The following WDR7 variants were observed in gnomAD, a reference collection of about 807,000 sequenced individuals.
WDR7 encodes WD repeat domain 7.
WDR7 carries 46 observed loss-of-function variants against 169.4 expected under a neutral mutation model. The ratio of observed to expected loss-of-function variants is 0.27; its 90% CI spans 0.21 to 0.35. The LOEUF is 0.35. Among genes scored for constraint, WDR7 ranks in the 10% least tolerant of loss-of-function variants. The pLI is 1.00. For synonymous variants in WDR7, 612 were observed against 666.8 expected (o/e 0.92, Z 1.27); for missense variants, 1,534 against 1,859.3 (o/e 0.83, Z 3.22).
At chr18:56,981,835 A>T (rs781215188) in intron 26 of WDR7, among the ~76,000 whole-genome samples, 3 of 152,130 alleles carry the variant, frequency 2.0e-5, no homozygotes, top group Non-Finnish European at 4.4e-5. Context: ...GAAAAGTAAG[A>T]GAAGAGATAG....
intron 26 of WDR7, among the ~76,000 whole-genome samples, chr18:56,964,704 T>G (rs1389267769): frequency 6.6e-6 from 1 of 152,096 alleles, no homozygotes; most frequent in Non-Finnish European, 1.5e-5. Flanking sequence ...GACATTTTAG[T>G]GTCCCCATAA....
chr18:56,756,947 C>T lies in WDR7; in HGVS notation c.2354C>T (p.Ser785Leu), dbSNP rs1324554205. 1 of 1,614,006 alleles carries T rather than the reference C, an allele frequency of 6.2e-7. No homozygotes were observed. The highest frequency in any genetic ancestry group is 8.5e-7 in the Non-Finnish European group (1 of 1,180,016). The change falls in exon 15 of 28, where the codon TCA becomes TTA. Residue 785 changes from serine (S) to leucine (L), a missense_variant. By Grantham distance (145) the Ser-to-Leu change is moderately radical (BLOSUM62 -2). Coordinates refer to ENST00000254442, the MANE Select transcript of WDR7 (RefSeq NM_015285.3). ...ESDPEYRSSK[S>L]KPLTLLEYNL... ...GATCCTGAATATCGGTCCAGCAAAT[C>T]AAAGCCATTGACCCTATTAGAATAT... is the stretch of plus-strand genomic sequence containing the variant.
At chr18:56,891,410 A>C (rs2046261979) in intron 21 of WDR7, among the ~76,000 whole-genome samples, 1 of 152,096 alleles carries the variant, frequency 6.6e-6, no homozygotes, top group Admixed American at 6.6e-5. Flanking sequence ...CCTACCTCAC[A>C]GTTATTGTAA....
intron 25 of WDR7, among the ~76,000 whole-genome samples, chr18:56,940,350 C>T (rs1006868688): frequency 1.3e-5 from 2 of 152,134 alleles, no homozygotes; most frequent in Non-Finnish European, 2.9e-5. Context: ...TATGAGCCTT[C>T]GCATATCTTT....
At chr18:56,792,145 G>A (rs1418499900) in intron 19 of WDR7, among the ~76,000 whole-genome samples, 1 of 152,044 alleles carries the variant, frequency 6.6e-6, no homozygotes, top group Non-Finnish European at 1.5e-5. Context: ...AGCCTTCCAC[G>A]TAGCTGGGAC....
chr18:56,779,432 T>C lies in WDR7; in HGVS notation c.2949T>C (p.Gly983=). The stretch of plus-strand genomic sequence containing the variant: ...TGTAATATATTACATTTTTGACAGG[T>C]TGGAGTCAGTTAGCTGCTATGCACT... ...ALHTCFLVNE[G]WSQLAAMHCV... Residue 983 remains glycine, a splice_region_variant and synonymous_variant, in exon 18 of 28, where the codon GGT becomes GGC. Transcript: ENST00000254442. 1.0e-5 allele frequency: 16 copies of C among 1,601,958 alleles called. No individual in the cohort carries two copies. Among genetic ancestry groups the C allele is most frequent in the Non-Finnish European group, 1.4e-5 (16 of 1,174,402 alleles).
chr18:56,699,845 G>C (rs959621910), intron 12 of WDR7: 1 of 985,312 alleles, frequency 1.0e-6, no homozygotes, highest in Admixed American at 6.2e-5. Context: ...AGATGCTGCA[G>C]CTGGAAGTTG....
chr18:56,906,273 A>C (rs1057232749), intron 21 of WDR7, among the ~76,000 whole-genome samples: 1 of 152,216 alleles, frequency 6.6e-6, no homozygotes, highest in Non-Finnish European at 1.5e-5. Context: ...CTATGGGATA[A>C]AAGAACTGAT....
chr18:56,955,990 G>C (rs1232673901), intron 25 of WDR7, among the ~76,000 whole-genome samples: 5 of 152,140 alleles, frequency 3.3e-5, no homozygotes, highest in African/African-American at 1.2e-4. Context: ...GATAGCCCAG[G>C]AAACATTTTT....
intron 24 of WDR7, 80 bp downstream of exon 24, chr18:56,938,762 A>T (rs2046993604): frequency 1.3e-6 from 2 of 1,529,346 alleles, no homozygotes; most frequent in African/African-American, 2.8e-5. Flanking sequence ...CAGTATCTTT[A>T]TTTCCAGCAT....
In WDR7 at chr18:57,027,141, C is replaced by T; in HGVS notation, c.4407C>T (p.Ile1469=). ...ATGCCCTCAAGCTGGCCCGGCTCAT[C>T]TGGACTTCCAACCGCAACGTCATCC... ...SHNALKLARL[I]WTSNRNVILM... The change falls in exon 28 of 28, where the codon ATC becomes ATT. Residue 1469 remains isoleucine, a synonymous_variant. Transcript: ENST00000254442. 6.2e-7 allele frequency: 1 copy of T among 1,614,192 alleles called. No homozygotes were observed. Among genetic ancestry groups the T allele is most frequent in the Non-Finnish European group, 8.5e-7 (1 of 1,180,038 alleles).
chr18:56,993,683 C>T (rs1474015383), intron 26 of WDR7, among the ~76,000 whole-genome samples: 1 of 138,794 alleles, frequency 7.2e-6, no homozygotes, highest in Non-Finnish European at 1.7e-5. Context: ...TCAAAAGGAG[C>T]TTTTGTCTAG....
At chr18:56,881,049 A>G (rs2046100592) in intron 21 of WDR7, among the ~76,000 whole-genome samples, 1 of 152,204 alleles carries the variant, frequency 6.6e-6, no homozygotes, top group Non-Finnish European at 1.5e-5. Flanking sequence ...GCAAGAGAAA[A>G]AGATGCATGT....
chr18:56,983,705 T>C (rs1479324452), intron 26 of WDR7, among the ~76,000 whole-genome samples: 2 of 152,170 alleles, frequency 1.3e-5, no homozygotes, highest in Admixed American at 6.5e-5. Context: ...AGAATAAGTA[T>C]AATTTTGGAG....
At chr18:56,662,057 C>G (rs1368329743) in intron 1 of WDR7, among the ~76,000 whole-genome samples, 1 of 152,182 alleles carries the variant, frequency 6.6e-6, no homozygotes, top group Non-Finnish European at 1.5e-5. Context: ...ATACATTTAG[C>G]TGTTTAGGGT....
chr18:56,660,679 AAAAG>A (rs2024886951), intron 1 of WDR7, among the ~76,000 whole-genome samples: 2 of 151,902 alleles, frequency 1.3e-5, no homozygotes, highest in Non-Finnish European at 2.9e-5. Flanking sequence ...AAAAAGAAAG[AAAAG>A]AAAGAAAGGA....
At chr18:56,984,274 A>G (rs1244186726) in intron 26 of WDR7, among the ~76,000 whole-genome samples, 3 of 152,196 alleles carry the variant, frequency 2.0e-5, no homozygotes, top group Non-Finnish European at 4.4e-5. Context: ...ATTCCTACCC[A>G]TAAATTTTTA....
At chr18:56,813,042 A>AG (rs373143172) in intron 19 of WDR7, among the ~76,000 whole-genome samples, 14 of 52,678 alleles carry the variant, frequency 2.7e-4, no homozygotes, top group African/African-American at 9.0e-4. Flanking sequence ...GGGTCGGGGG[A>AG]GGGGGGAGGG....
At chr18:56,801,321 C>A (rs958916131) in intron 19 of WDR7, among the ~76,000 whole-genome samples, 1 of 152,068 alleles carries the variant, frequency 6.6e-6, no homozygotes, top group African/African-American at 2.4e-5. Context: ...GTTTTTTGGC[C>A]TGTTTTCCAA....
Sources: gnomAD v4.1 joint callset for allele counts (sites outside exome capture counted in the v4.1 genomes callset) on GRCh38, gnomAD v4.1.1 for gene constraint, MANE v1.5 for transcripts, NCBI Gene and HGNC (gene_info 2026-07-23, HGNC 2026-07-21) for gene names.